The following GNG2 variants were observed in gnomAD, a reference collection of about 807,000 sequenced individuals.
The protein encoded by GNG2 is G protein subunit gamma 2, also known as guanine nucleotide-binding protein G(I)/G(S)/G(O) subunit gamma-2.
In GNG2, 5 loss-of-function variants were observed where a neutral mutation model predicts 5.5. The observed-to-expected ratio is 0.91, with a 90% CI of 0.48 to 1.92. The LOEUF (loss-of-function observed/expected upper bound fraction) is 1.92, where lower values mean the gene tolerates loss of function less well. Ranked by LOEUF, GNG2 falls within the 30% of genes most tolerant of loss-of-function variation. The probability of loss-of-function intolerance (pLI) is 0.01; values close to 1 mark genes in which losing one functional copy is unlikely to be tolerated. For missense variants in GNG2, 55 were observed against 88.4 expected (o/e 0.62, Z 1.52); for synonymous variants, 28 against 32.0 (o/e 0.88, Z 0.42).
At chr14:51,880,734 G>A (rs760717674) in intron 2 of GNG2, among the ~76,000 whole-genome samples, 2 of 151,992 alleles carry the variant, frequency 1.3e-5, no homozygotes, top group Non-Finnish European at 2.9e-5. Flanking sequence ...GCTAAAACTG[G>A]GAGAATCCGG....
chr14:51,869,247 T>C (rs1236021661), intron 1 of GNG2, among the ~76,000 whole-genome samples: 1 of 152,244 alleles, frequency 6.6e-6, no homozygotes, highest in African/African-American at 2.4e-5. Context: ...AGGATATTTC[T>C]GGCTGCTGAT....
intron 3 of GNG2, among the ~76,000 whole-genome samples, chr14:51,955,382 A>G (rs1420237400): frequency 1.3e-5 from 2 of 152,092 alleles, no homozygotes; most frequent in Admixed American, 1.3e-4. Context: ...CTCTTTTTCT[A>G]TTCTGACCAT....
chr14:51,951,970 C>G (rs748739745), intron 3 of GNG2: 36 of 688,318 alleles, frequency 5.2e-5, no homozygotes, highest in Non-Finnish European at 8.9e-5. Context: ...ATAAAAGGAC[C>G]AATTACCGAA....
At chr14:51,828,257 G>A (rs1356532236) in intron 2 of GNG2, among the ~76,000 whole-genome samples, 2 of 152,176 alleles carry the variant, frequency 1.3e-5, no homozygotes, top group Non-Finnish European at 2.9e-5. Flanking sequence ...ACAGGAGGTG[G>A]CAGAGCCTGG....
At chr14:51,857,391 C>T (rs1315129338), upstream of GNG2, among the ~76,000 whole-genome samples, 2 of 152,126 alleles carry the variant, frequency 1.3e-5, no homozygotes, top group Non-Finnish European at 2.9e-5. Flanking sequence ...TATAAGGCTG[C>T]GACAGGCCCT....
upstream of GNG2, among the ~76,000 whole-genome samples, chr14:51,858,058 T>C (rs1407571124): frequency 1.3e-5 from 2 of 152,232 alleles, no homozygotes; most frequent in Non-Finnish European, 2.9e-5. Flanking sequence ...TTTACAGACT[T>C]TGTTTTACCC....
chr14:51,931,697 A>C (rs1229908200), intron 2 of GNG2, among the ~76,000 whole-genome samples: 2 of 152,216 alleles, frequency 1.3e-5, no homozygotes, highest in African/African-American at 4.8e-5. Flanking sequence ...AAAAATACCA[A>C]GTATTGGTGA....
intron 2 of GNG2, among the ~76,000 whole-genome samples, chr14:51,939,489 C>T (rs779878322): frequency 6.6e-6 from 1 of 152,202 alleles, no homozygotes; most frequent in Non-Finnish European, 1.5e-5. Flanking sequence ...TGGCTTCTGG[C>T]ACCTGCGTGA....
intron 3 of GNG2, among the ~76,000 whole-genome samples, chr14:51,963,547 G>C (rs1889734489): frequency 6.6e-6 from 1 of 152,236 alleles, no homozygotes; most frequent in Non-Finnish European, 1.5e-5. Flanking sequence ...TTGTTTTCAT[G>C]TGGGAGAGCT....
At chr14:51,826,472 A>G (rs77322371) in intron 1 of GNG2, among the ~76,000 whole-genome samples, 2,138 of 152,268 alleles carry the variant, frequency 0.014, 45 homozygotes, top group African/African-American at 0.048. Context: ...GAGCATCTGC[A>G]GATTTTGGTA....
chr14:51,914,558 G>C (rs1886497936), intron 2 of GNG2, among the ~76,000 whole-genome samples: 1 of 152,132 alleles, frequency 6.6e-6, no homozygotes, highest in Admixed American at 6.6e-5. Context: ...GCTTTAACTA[G>C]ACCACATGAG....
At chr14:51,954,353 G>C (rs1274531049) in intron 3 of GNG2, among the ~76,000 whole-genome samples, 2 of 152,126 alleles carry the variant, frequency 1.3e-5, no homozygotes, top group Non-Finnish European at 2.9e-5. Flanking sequence ...AGGGGCTGTG[G>C]ACTGTGACAC....
Position 51,965,477 on chromosome 14 carries a change from T to G in GNG2, c.88-1082T>G, listed in dbSNP as rs1889841199. Among the ~76,000 whole-genome samples, 4 of 152,286 alleles carry G rather than the reference T, an allele frequency of 2.6e-5. No homozygotes were observed. In the South Asian group the frequency reaches 6.2e-4, roughly 24 times the overall value. ...TCCACGCTCTAATGTAGTAAAAATT[T>G]CCTCTGGTGAAGATGGTTGAAGGAA... On this transcript the variant is annotated intron_variant, in intron 3 of 3. Coordinates refer to ENST00000556766, the MANE Select transcript of GNG2 (RefSeq NM_053064.5).
intron 2 of GNG2, among the ~76,000 whole-genome samples, chr14:51,948,278 A>G (rs1240983503): frequency 6.6e-6 from 1 of 152,216 alleles, no homozygotes; most frequent in Non-Finnish European, 1.5e-5. Context: ...CTAATGAAGA[A>G]GAAAGGAAGA....
At chr14:51,905,140 C>G (rs1232930352) in intron 2 of GNG2, among the ~76,000 whole-genome samples, 2 of 152,210 alleles carry the variant, frequency 1.3e-5, no homozygotes, top group African/African-American at 4.8e-5. Flanking sequence ...TGCATCCATG[C>G]TCCTGAATCA....
chr14:51,867,957 A>C (rs1351456531), intron 1 of GNG2, among the ~76,000 whole-genome samples: 1 of 152,002 alleles, frequency 6.6e-6, no homozygotes, highest in Non-Finnish European at 1.5e-5. Context: ...ATCTGGTTTC[A>C]TCTTTGTCTT....
At chr14:51,869,282 G>A (rs185033196) in intron 1 of GNG2, among the ~76,000 whole-genome samples, 13 of 152,292 alleles carry the variant, frequency 8.5e-5, no homozygotes, top group Admixed American at 3.3e-4. Flanking sequence ...CTAAAATGGC[G>A]TAAGCAATAG....
At chr14:51,859,681 G>A (rs1882334233), upstream of GNG2, among the ~76,000 whole-genome samples, 1 of 152,162 alleles carries the variant, frequency 6.6e-6, no homozygotes, top group Admixed American at 6.5e-5. Flanking sequence ...AGTCATTAAT[G>A]GCAATTTGGA....
chr14:51,949,514 C>T (rs1053503494), intron 2 of GNG2, among the ~76,000 whole-genome samples: 2 of 151,996 alleles, frequency 1.3e-5, no homozygotes, highest in Non-Finnish European at 2.9e-5. Flanking sequence ...AAAGATTGTC[C>T]AAAGCTAGCA....
Sources: gnomAD v4.1 joint callset for allele counts (sites outside exome capture counted in the v4.1 genomes callset) on GRCh38, gnomAD v4.1.1 for gene constraint, MANE v1.5 for transcripts, NCBI Gene and HGNC (gene_info 2026-07-23, HGNC 2026-07-21) for gene names.